PIK3R5: variants seen among roughly 807,000 people sequenced by gnomAD.
The protein encoded by PIK3R5 is phosphoinositide 3-kinase regulatory subunit 5.
In PIK3R5, 32 loss-of-function variants were observed where a neutral mutation model predicts 94.9. The observed-to-expected ratio is 0.34, with a 90% confidence interval of 0.25 to 0.45. The LOEUF (loss-of-function observed/expected upper bound fraction) is 0.45. PIK3R5 is among the 20% of genes least tolerant of loss of function. PIK3R5 has a pLI of 1.00. For synonymous variants in PIK3R5, 443 were observed against 479.4 expected, an observed-to-expected ratio of 0.92 and a Z score of 0.99; for missense variants, 853 against 1,144.6, an observed-to-expected ratio of 0.75 and a Z score of 3.68.
rs768421382 is a variant in PIK3R5 at position 8,893,626 on chromosome 17, C to A, written c.442G>T (p.Glu148Ter). The stretch of plus-strand genomic sequence containing the variant: ...TGACTCCTGATGGGCAGGCCCTGCT[C>A]AGCCCTCACCAGTCTCTGGTAGGAG... The part of the protein sequence containing the change: ...GISYQRLVRA[E>*]QGLPIRSHRS... Residue 148 changes from glutamate to a stop codon, truncating the protein, a stop_gained, in exon 6 of 19, where the codon GAG becomes TAG. Coordinates refer to ENST00000447110, the MANE Select transcript of PIK3R5 (RefSeq NM_001142633.3). LOFTEE classifies it high-confidence loss of function. The surrounding 1 kb of genome is among the most constrained non-coding windows in gnomAD (Gnocchi z 5.1). The A allele has an allele frequency of 2.5e-6, 4 of 1,613,966 alleles. No homozygotes were observed. In the Admixed American group the frequency reaches 5.0e-5, roughly 20 times the overall value.
intron 1 of PIK3R5, among the ~76,000 whole-genome samples, chr17:8,924,721 T>TC (rs1379943357): frequency 6.6e-6 from 1 of 151,996 alleles, no homozygotes; most frequent in African/African-American, 2.4e-5. Flanking sequence ...TCTCAAATTC[T>TC]CCCCCTCCAT....
Position 8,882,104 on chromosome 17 carries a change from C to A in PIK3R5, c.2206-223G>T. 1.8e-6 allele frequency: 1 copy of A among 562,290 alleles called. No homozygotes were observed. The highest frequency in any genetic ancestry group is 3.2e-6 in the Non-Finnish European group (1 of 312,906). The allele number at this position is 562,290 out of a possible 1,614,324, so 34.8% of individuals were successfully genotyped here. ...GTCTAGGGGTCAGCAGCCTCTGTGA[C>A]CAGGTTGAAAGGTACAAGAGCTGAG... On this transcript the variant is annotated intron_variant, in intron 15 of 18. Coordinates refer to ENST00000447110, the MANE Select transcript of PIK3R5 (RefSeq NM_001142633.3). The surrounding 1 kb of genome is among the most constrained non-coding windows in gnomAD (Gnocchi z 4.1).
In PIK3R5 at chr17:8,955,226, G is replaced by A. The variant is rs1377811132; in HGVS notation, c.-14+10370C>T. On this transcript the variant is annotated intron_variant, in intron 1 of 18. Coordinates refer to ENST00000447110, the MANE Select transcript of PIK3R5 (RefSeq NM_001142633.3). This position sits in a 1 kb window ranked among gnomAD's most constrained non-coding sequence, Gnocchi z 4.4. Reference sequence around the variant, plus strand: ...CATCAGTCATCCAAGGCTGAGGCCCGGGCCTCTTCCATGCTGGCTGCTCGA... The same window carrying A: ...CATCAGTCATCCAAGGCTGAGGCCCAGGCCTCTTCCATGCTGGCTGCTCGA... Among the ~76,000 whole-genome samples, 2 of 152,182 alleles carry A rather than the reference G, an allele frequency of 1.3e-5. No homozygotes were observed. Among genetic ancestry groups the A allele is most frequent in the South Asian group, 2.1e-4 (1 of 4,824 alleles).
rs1231957572 is a variant in PIK3R5 at position 8,890,490 on chromosome 17, A to G, written c.657+248T>C. 6.6e-6 allele frequency among the ~76,000 whole-genome samples: 1 copy of G among 152,216 alleles called. No homozygotes were observed. The highest frequency in any genetic ancestry group is 1.5e-5 in the Non-Finnish European group (1 of 68,026). On this transcript the variant is annotated intron_variant, in intron 7 of 18. Transcript: ENST00000447110. This position sits in a 1 kb window ranked among gnomAD's most constrained non-coding sequence, Gnocchi z 6.1. ...CAAAGCTCATTCTCGTTCTTATGGC[A>G]TATGCCATCTTCTGAGGCACCAGTT...
At chr17:8,921,649 A>T (rs778204132) in intron 1 of PIK3R5, among the ~76,000 whole-genome samples, 5 of 152,198 alleles carry the variant, frequency 3.3e-5, no homozygotes, top group African/African-American at 4.8e-5. Flanking sequence ...AGTAATACAA[A>T]TTTTTTTAAA....
At chr17:8,965,028 C>CACAA (rs1240784240) in intron 1 of PIK3R5, among the ~76,000 whole-genome samples, 1 of 151,818 alleles carries the variant, frequency 6.6e-6, no homozygotes, top group Non-Finnish European at 1.5e-5. Context: ...CACACACACA[C>CACAA]ACGAGTCACG....
chr17:8,890,150 C>T lies in PIK3R5; in HGVS notation c.658-24G>A, dbSNP rs2089987921. On this transcript the variant is annotated intron_variant, in intron 7 of 18. Coordinates refer to ENST00000447110, the MANE Select transcript of PIK3R5 (RefSeq NM_001142633.3). The surrounding 1 kb of genome is among the most constrained non-coding windows in gnomAD (Gnocchi z 6.1). ...GCCTGAAACCCCAGGAGGAGATGGG[C>T]TTTGCTCCTGGACCGTGAGCTAGCT... The T allele has an allele frequency of 6.2e-7, 1 of 1,612,086 alleles. No homozygotes were observed. The highest frequency in any genetic ancestry group is 1.7e-5 in the Admixed American group (1 of 59,968).
chr17:8,964,887 T>A (rs960710422), intron 1 of PIK3R5, among the ~76,000 whole-genome samples: 2 of 152,224 alleles, frequency 1.3e-5, no homozygotes, highest in African/African-American at 4.8e-5. Context: ...CACATCCTGC[T>A]GCTTTAACCT....
At position 8,881,660 on chromosome 17, in the gene PIK3R5, C is replaced by G. The variant is rs2089665045; in HGVS notation, c.2352G>C (p.Gln784His). 3.7e-6 allele frequency: 6 copies of G among 1,613,482 alleles called. No individual in the cohort carries two copies. The highest frequency in any genetic ancestry group is 5.1e-6 in the Non-Finnish European group (6 of 1,179,770). The change falls in exon 17 of 19, where the codon CAG (glutamine) becomes CAC (histidine). Residue 784 changes from glutamine (Q) to histidine (H), a missense_variant. By Grantham distance (24) the Gln-to-His change is conservative. Transcript: ENST00000447110. This position sits in a 1 kb window ranked among gnomAD's most constrained non-coding sequence, Gnocchi z 4.8. ...TAAAGCCCTTCTTGGATTTGGAGTTCTGCCTTTTCACCACTTCTGTCAGGT... is the reference window on the plus strand; with the variant it reads ...TAAAGCCCTTCTTGGATTTGGAGTTGTGCCTTTTCACCACTTCTGTCAGGT... ...TLNLTEVVKR[Q>H]NSKSKKGFNQ...
At chr17:8,905,833 T>A in intron 3 of PIK3R5, 96 bp from the exon 4 acceptor site, 7 of 225,812 alleles carry the variant, frequency 3.1e-5, no homozygotes, top group East Asian at 7.2e-5. Flanking sequence ...TAGCCTTTCT[T>A]TTTTTTTTTT....
Position 8,887,538 on chromosome 17 carries a change from T to A in PIK3R5, c.1762A>T (p.Arg588Trp). ...GGACATACTCCAGGGCTGGCGTGCC[T>A]AGGGGAGTCTGTCGGGGGTGAGGGC... ...QTPSPPTDSPRHASPGELGTT... is the reference protein window; with the variant it reads ...QTPSPPTDSPWHASPGELGTT... Residue 588 changes from arginine to tryptophan, a missense_variant, in exon 11 of 19, where the codon AGG becomes TGG. By Grantham distance (101) the Arg-to-Trp change is moderately radical. Transcript: ENST00000447110. 6.2e-7 allele frequency: 1 copy of A among 1,607,068 alleles called. No homozygotes were observed.
intron 1 of PIK3R5, among the ~76,000 whole-genome samples, chr17:8,932,450 G>A (rs1444398607): frequency 1.3e-5 from 2 of 152,236 alleles, no homozygotes; most frequent in African/African-American, 4.8e-5. Context: ...GGTTAGGCTG[G>A]TCTCGAACTC....
intron 3 of PIK3R5, among the ~76,000 whole-genome samples, chr17:8,908,469 G>T (rs2090441629): frequency 6.6e-6 from 1 of 151,716 alleles, no homozygotes; most frequent in African/African-American, 2.4e-5. Flanking sequence ...TTCTTACAGG[G>T]ATAGGTAGCC....
intron 5 of PIK3R5, among the ~76,000 whole-genome samples, chr17:8,903,766 T>C (rs2090340300): frequency 6.6e-6 from 1 of 152,152 alleles, no homozygotes; most frequent in Non-Finnish European, 1.5e-5. Context: ...TGCTGGTTTA[T>C]AAAAAAAGCT....
intron 5 of PIK3R5, among the ~76,000 whole-genome samples, chr17:8,898,071 A>G (rs2090192990): frequency 6.6e-6 from 1 of 152,170 alleles, no homozygotes; most frequent in Non-Finnish European, 1.5e-5. Context: ...TGGTTTCTGG[A>G]ACACCTGCCT....
rs778087545 is a variant in PIK3R5, at chr17:8,886,608, G to A, written c.1906-3C>T. The A allele has an allele frequency of 1.3e-6, 2 of 1,577,262 alleles. No individual in the cohort carries two copies. Among genetic ancestry groups the A allele is most frequent in the Non-Finnish European group, 1.7e-6 (2 of 1,165,614 alleles). On this transcript the variant is annotated splice_region_variant and splice_polypyrimidine_tract_variant and intron_variant, in intron 12 of 18. Transcript: ENST00000447110. ...TGGGCTTCAGCCTTCAGGGACTGCT[G>A]TGGCCAGAGGGAAGGGGCAGCCAAG...
chr17:8,902,405 C>T (rs2090306903), intron 5 of PIK3R5, among the ~76,000 whole-genome samples: 2 of 151,830 alleles, frequency 1.3e-5, no homozygotes, highest in African/African-American at 4.8e-5. Flanking sequence ...CAGGTGTATG[C>T]CACCACGCCC....
rs189944987 is a variant in PIK3R5, at chr17:8,914,142, C to T, written c.-13-2635G>A. Among the ~76,000 whole-genome samples, 6 of 152,298 alleles carry T rather than the reference C, an allele frequency of 3.9e-5. No individual in the cohort carries two copies. In the East Asian group the frequency reaches 9.6e-4, roughly 24 times the overall value. The stretch of plus-strand genomic sequence containing the variant: ...TGAACAGCTGGCCCAGATGTGACAG[C>T]GACCCTTTGTTCTCACAGGCTGATT... On this transcript the variant is annotated intron_variant, in intron 1 of 18. Transcript: ENST00000447110.
At chr17:8,907,248 G>T (rs2076646714) in intron 3 of PIK3R5, among the ~76,000 whole-genome samples, 1 of 151,692 alleles carries the variant, frequency 6.6e-6, no homozygotes, top group Non-Finnish European at 1.5e-5. Flanking sequence ...GGCCAGGATG[G>T]TCTTGATCTC....
Sources: allele counts gnomAD v4.1 joint callset (sites outside exome capture counted in the v4.1 genomes callset), GRCh38; gene constraint gnomAD v4.1.1; non-coding constraint Gnocchi (gnomAD v3.1); transcripts MANE v1.5; gene names NCBI Gene and HGNC (gene_info 2026-07-23, HGNC 2026-07-21).